The following GULP1 variants were observed in gnomAD, a reference collection of about 807,000 sequenced individuals.
GULP1 encodes the protein PTB domain-containing engulfment adapter protein 1.
In GULP1, 19 loss-of-function variants were observed where a neutral mutation model predicts 40.9. That is an observed-to-expected ratio of 0.46 (90% CI 0.32 to 0.68). The LOEUF is 0.68. GULP1 is among the 30% of genes least tolerant of loss of function. The pLI is 0.03. For synonymous variants in GULP1, 119 were observed against 117.6 expected (o/e 1.01, Z -0.08); for missense variants, 312 against 362.2 (o/e 0.86, Z 1.12).
intron 1 of GULP1, among the ~76,000 whole-genome samples, chr2:188,341,763 A>G (rs2043000496): frequency 6.6e-6 from 1 of 152,184 alleles, no homozygotes; most frequent in Non-Finnish European, 1.5e-5. Flanking sequence ...ATAATTAAAG[A>G]TTGCTTTTTT....
chr2:188,346,440 C>T (rs1320158257), intron 1 of GULP1, among the ~76,000 whole-genome samples: 1 of 152,036 alleles, frequency 6.6e-6, no homozygotes, highest in Non-Finnish European at 1.5e-5. Context: ...AGAAAACAAA[C>T]AAGAAAAGGT....
chr2:188,594,333 A>G lies in GULP1; in HGVS notation c.*322A>G, dbSNP rs2153479956. ...AGTTAGCATCTTGAAATTTGTATTCATTTTCCAGATGGCTAGTTTATTAAT... is the reference window on the plus strand; with the variant it reads ...AGTTAGCATCTTGAAATTTGTATTCGTTTTCCAGATGGCTAGTTTATTAAT... On this transcript the variant is annotated 3_prime_UTR_variant, in exon 12 of 12. Coordinates refer to ENST00000409830, the MANE Select transcript of GULP1 (RefSeq NM_016315.4). 1 of 174,128 alleles carries G rather than the reference A, an allele frequency of 5.7e-6. No homozygotes were observed. Among genetic ancestry groups the G allele is most frequent in the African/African-American group, 2.4e-5 (1 of 42,438 alleles). 10.8% of individuals were successfully genotyped at this position (174,128 alleles called of 1,614,324 possible).
At chr2:188,306,815 T>C (rs1461914989) in intron 1 of GULP1, among the ~76,000 whole-genome samples, 1 of 152,204 alleles carries the variant, frequency 6.6e-6, no homozygotes, top group Non-Finnish European at 1.5e-5. Flanking sequence ...AGAGCTGAGT[T>C]GATGTCTGCC....
intron 1 of GULP1, among the ~76,000 whole-genome samples, chr2:188,339,858 A>C (rs1574534018): frequency 6.6e-6 from 1 of 152,284 alleles, no homozygotes; most frequent in Middle Eastern, 3.4e-3. Flanking sequence ...CAGCATCCTT[A>C]TTTGTAAAAT....
chr2:188,374,480 A>G (rs1424713844), intron 1 of GULP1, among the ~76,000 whole-genome samples: 2 of 152,256 alleles, frequency 1.3e-5, no homozygotes, highest in Non-Finnish European at 2.9e-5. Flanking sequence ...TTTCTCTCTC[A>G]TAGCTTTGTT....
chr2:188,470,985 C>T (rs542458656), intron 2 of GULP1, among the ~76,000 whole-genome samples: 9 of 152,146 alleles, frequency 5.9e-5, no homozygotes, highest in East Asian at 5.8e-4. Flanking sequence ...TCTGGAACAT[C>T]GGTTTAGTGC....
chr2:188,382,049 T>C (rs2049067109), intron 1 of GULP1, among the ~76,000 whole-genome samples: 1 of 152,224 alleles, frequency 6.6e-6, no homozygotes, highest in Admixed American at 6.5e-5. Context: ...AATATTTTAA[T>C]TCAAAATTTA....
intron 11 of GULP1, chr2:188,593,368 G>T (rs1204944105): frequency 6.6e-6 from 1 of 152,024 alleles, no homozygotes; most frequent in African/African-American, 2.4e-5. Flanking sequence ...GGAAGAGTAG[G>T]AGTCAAAGAA....
At chr2:188,593,280 T>C (rs548602626) in intron 11 of GULP1, 1 of 152,200 alleles carries the variant, frequency 6.6e-6, no homozygotes, top group African/African-American at 2.4e-5. Context: ...TTCAAAATCT[T>C]GGTGGAAAAA....
intron 1 of GULP1, among the ~76,000 whole-genome samples, chr2:188,318,198 C>T (rs2039415195): frequency 6.6e-6 from 1 of 152,022 alleles, no homozygotes; most frequent in African/African-American, 2.4e-5. Flanking sequence ...GGAGAAAATG[C>T]AAAGCATTTT....
At chr2:188,450,384 A>G (rs1220923316) in intron 2 of GULP1, among the ~76,000 whole-genome samples, 1 of 152,158 alleles carries the variant, frequency 6.6e-6, no homozygotes, top group African/African-American at 2.4e-5. Flanking sequence ...GAATATTGTA[A>G]GCATTCTTTT....
intron 1 of GULP1, among the ~76,000 whole-genome samples, chr2:188,382,970 A>G (rs934506024): frequency 1.3e-5 from 2 of 152,164 alleles, no homozygotes; most frequent in African/African-American, 4.8e-5. Flanking sequence ...TGGCATCATC[A>G]ATGTCTGTAT....
intron 4 of GULP1, among the ~76,000 whole-genome samples, chr2:188,492,426 A>G (rs2062482460): frequency 6.6e-6 from 1 of 152,050 alleles, no homozygotes; most frequent in Non-Finnish European, 1.5e-5. Flanking sequence ...CAAGTGCAAG[A>G]ATGGAAATAC....
At chr2:188,352,478 G>T (rs892653928) in intron 1 of GULP1, among the ~76,000 whole-genome samples, 2 of 152,008 alleles carry the variant, frequency 1.3e-5, no homozygotes, top group African/African-American at 4.8e-5. Flanking sequence ...AACTACGCCA[G>T]GTTGTTGACT....
chr2:188,352,759 T>A (rs1248297857), intron 1 of GULP1, among the ~76,000 whole-genome samples: 1 of 152,076 alleles, frequency 6.6e-6, no homozygotes, highest in Non-Finnish European at 1.5e-5. Context: ...ATATCTTCAG[T>A]CTTCAGCCTC....
chr2:188,418,368 A>G (rs1361529397), intron 2 of GULP1, among the ~76,000 whole-genome samples: 1 of 152,156 alleles, frequency 6.6e-6, no homozygotes, highest in Admixed American at 6.5e-5. Context: ...ACAGTGGCTC[A>G]TGCCTGTAAT....
At position 188,362,779 on chromosome 2, in the gene GULP1, G is replaced by C. The variant is rs566719755; in HGVS notation, c.-171-20984G>C. 2.0e-5 allele frequency among the ~76,000 whole-genome samples: 3 copies of C among 152,064 alleles called. No homozygotes were observed. In the East Asian group the frequency reaches 5.8e-4, roughly 29 times the overall value. The stretch of plus-strand genomic sequence containing the variant: ...TTTTCACTTGTAATCTGACTTAGAA[G>C]GCTGATGGATCATACTGGCCAAGAG... On this transcript the variant is annotated intron_variant, in intron 1 of 11. Coordinates refer to ENST00000409830, the MANE Select transcript of GULP1 (RefSeq NM_016315.4).
intron 4 of GULP1, among the ~76,000 whole-genome samples, chr2:188,499,627 A>G (rs191845504): frequency 1.6e-4 from 24 of 151,932 alleles, no homozygotes; most frequent in Admixed American, 1.4e-3. Context: ...TTACTTGTAT[A>G]AGGTCACACC....
At chr2:188,345,180 T>G (rs1028933447) in intron 1 of GULP1, among the ~76,000 whole-genome samples, 12 of 152,208 alleles carry the variant, frequency 7.9e-5, no homozygotes, top group Admixed American at 1.3e-4. Context: ...GTGAAGCAGA[T>G]GGACCCCCTC....
Sources: gnomAD v4.1 joint callset for allele counts (sites outside exome capture counted in the v4.1 genomes callset) on GRCh38, gnomAD v4.1.1 for gene constraint, MANE v1.5 for transcripts, NCBI Gene and HGNC (gene_info 2026-07-23, HGNC 2026-07-21) for gene names.